Variants in RFPL1 observed in about 807,000 individuals in gnomAD.
RFPL1 encodes ret finger protein-like 1.
In RFPL1, 6 loss-of-function variants were observed where a neutral mutation model predicts 9.6. The observed-to-expected ratio is 0.62, with a 90% CI of 0.34 to 1.23. The LOEUF (loss-of-function observed/expected upper bound fraction) is 1.23. Among genes scored for constraint, RFPL1 ranks in the 50% most tolerant of loss-of-function variants. RFPL1 has a pLI of 0.03. For missense variants in RFPL1, 352 were observed against 398.4 expected, an observed-to-expected ratio of 0.88 and a Z score of 0.99; for synonymous variants, 145 against 149.4, an observed-to-expected ratio of 0.97 and a Z score of 0.22.
upstream of RFPL1, chr22:29,437,761 T>G: frequency 6.4e-7 from 1 of 1,568,180 alleles, no homozygotes; most frequent in African/African-American, 1.4e-5. Context: ...GTGTTTTTCC[T>G]CCTTAGATGC....
At chr22:29,395,400 C>T in the RFPL1 span, among the ~76,000 whole-genome samples, 1 of 152,102 alleles carries the variant, frequency 6.6e-6, no homozygotes. Flanking sequence ...GAACACCAGC[C>T]TCCACCTGCT....
At chr22:29,441,542 T>C in exon 2 of RFPL1, 1 of 1,606,592 alleles carries the variant, frequency 6.2e-7, no homozygotes, top group Admixed American at 1.7e-5. Flanking sequence ...CTTTTCACAG[T>C]GGATATGACC....
chr22:29,424,971 C>G, the RFPL1 span, among the ~76,000 whole-genome samples: 10 of 151,560 alleles, frequency 6.6e-5, no homozygotes, highest in Non-Finnish European at 1.3e-4. Context: ...TTGGGAGGCC[C>G]AGGCGGGCGG....
chr22:29,412,716 G>T, the RFPL1 span, among the ~76,000 whole-genome samples: 1 of 152,124 alleles, frequency 6.6e-6, no homozygotes, highest in African/African-American at 2.4e-5. Context: ...ATGAGTTCTA[G>T]ATCACCCCTG....
chr22:29,439,996 A>T (rs2062830407), intron 1 of RFPL1: 1 of 152,272 alleles, frequency 6.6e-6, no homozygotes, highest in Non-Finnish European at 1.5e-5. Context: ...TGGTCTCCTC[A>T]TCGGTGTGCC....
At chr22:29,394,147 T>C in the RFPL1 span, among the ~76,000 whole-genome samples, 1 of 152,198 alleles carries the variant, frequency 6.6e-6, no homozygotes, top group Admixed American at 6.5e-5. Context: ...CCAGTGTTTT[T>C]ATACCCTGCC....
the RFPL1 span, among the ~76,000 whole-genome samples, chr22:29,395,288 G>C: frequency 1.3e-5 from 2 of 152,090 alleles, no homozygotes; most frequent in Admixed American, 1.3e-4. Context: ...TCCAGTCTCT[G>C]TTTGCTTGCT....
At chr22:29,424,893 T>G in the RFPL1 span, among the ~76,000 whole-genome samples, 1 of 141,210 alleles carries the variant, frequency 7.1e-6, no homozygotes, top group Non-Finnish European at 1.5e-5. Flanking sequence ...TCTGTAGTTT[T>G]TATATGTTAT....
At chr22:29,410,848 T>C in the RFPL1 span, among the ~76,000 whole-genome samples, 2 of 151,900 alleles carry the variant, frequency 1.3e-5, no homozygotes, top group African/African-American at 2.4e-5. Flanking sequence ...TATTTCCATC[T>C]GGGTGAAAAA....
the RFPL1 span, among the ~76,000 whole-genome samples, chr22:29,427,601 C>T: frequency 6.6e-6 from 1 of 152,176 alleles, no homozygotes; most frequent in African/African-American, 2.4e-5. Context: ...CCACTGGGCC[C>T]AATCTGTTTT....
chr22:29,434,001 T>A (rs1029892839), upstream of RFPL1, among the ~76,000 whole-genome samples: 1 of 149,016 alleles, frequency 6.7e-6, no homozygotes, highest in African/African-American at 2.5e-5. Flanking sequence ...TGACACACAC[T>A]CACACACACA....
At chr22:29,392,131 T>TGGA in the RFPL1 span, among the ~76,000 whole-genome samples, 1 of 152,164 alleles carries the variant, frequency 6.6e-6, no homozygotes, top group African/African-American at 2.4e-5. Flanking sequence ...CAGGCTGGAG[T>TGGA]GGAGTGGCAG....
the RFPL1 span, among the ~76,000 whole-genome samples, chr22:29,418,746 C>A: frequency 6.6e-6 from 1 of 152,248 alleles, no homozygotes; most frequent in Non-Finnish European, 1.5e-5. Flanking sequence ...GATCCGCCCA[C>A]CTGGGCCTCC....
chr22:29,419,165 T>A, the RFPL1 span: 1 of 1,609,768 alleles, frequency 6.2e-7, no homozygotes, highest in Non-Finnish European at 8.5e-7. Flanking sequence ...CTGACATCTT[T>A]GCCCACGGTC....
upstream of RFPL1, chr22:29,438,062 G>T (rs1176107728): frequency 2.8e-5 from 6 of 211,236 alleles, 1 homozygote; most frequent in Non-Finnish European, 8.8e-6. Flanking sequence ...TTTGTAGAGA[G>T]GGGGTCTTCC....
the RFPL1 span, among the ~76,000 whole-genome samples, chr22:29,405,793 G>C: frequency 1.3e-5 from 2 of 152,164 alleles, no homozygotes; most frequent in African/African-American, 4.8e-5. Context: ...CCGTCCCTCG[G>C]GGCTAATGTG....
chr22:29,437,731 G>A, upstream of RFPL1: 1 of 1,588,328 alleles, frequency 6.3e-7, no homozygotes, highest in East Asian at 2.3e-5. Context: ...AGCAGAAGAG[G>A]TGAGCCCATG....
chr22:29,438,589 T>A (rs2062820613), exon 1 of RFPL1: 1 of 1,419,074 alleles, frequency 7.0e-7, no homozygotes, highest in Non-Finnish European at 9.2e-7. Flanking sequence ...TGCTGCCGTG[T>A]CACTGGCTCA....
chr22:29,418,500 T>TTG, the RFPL1 span, among the ~76,000 whole-genome samples: 2 of 144,482 alleles, frequency 1.4e-5, no homozygotes, highest in Non-Finnish European at 3.0e-5. Context: ...CGTCTTCTTT[T>TTG]TTTTTTTTTT....
Sources: gnomAD v4.1 joint callset for allele counts (sites outside exome capture counted in the v4.1 genomes callset) on GRCh38, gnomAD v4.1.1 for gene constraint, MANE v1.5 for transcripts, NCBI Gene and HGNC (gene_info 2026-07-23, HGNC 2026-07-21) for gene names.